The following ZMYM2 variants were observed in gnomAD, a reference collection of about 807,000 sequenced individuals.
ZMYM2 encodes zinc finger MYM-type containing 2.
A neutral mutation model predicts 162.8 loss-of-function variants in ZMYM2; 56 were observed. The observed-to-expected ratio is 0.34, with a 90% CI of 0.28 to 0.43. ZMYM2 has a LOEUF of 0.43. Among genes scored for constraint, ZMYM2 ranks in the 20% least tolerant of loss-of-function variants. The probability of loss-of-function intolerance (pLI) is 1.00; values close to 1 mark genes in which losing one functional copy is unlikely to be tolerated. For synonymous variants in ZMYM2, 510 were observed against 541.6 expected (o/e 0.94, Z 0.81); for missense variants, 1,275 against 1,621.8 (o/e 0.79, Z 3.67).
In ZMYM2 at chr13:20,087,437, T is replaced by A; in HGVS notation, c.*1423T>A. 5.3e-6 allele frequency: 1 copy of A among 189,088 alleles called. No individual in the cohort carries two copies. The highest frequency in any genetic ancestry group is 8.4e-5 in the East Asian group (1 of 11,870). The allele number at this position is 189,088 out of a possible 1,614,324, so 11.7% of individuals were successfully genotyped here. ...TTTCTAGCATGTGTGTAATCATGTTTTCTTCTGATTCCTGAATGACCATGG... is the reference window on the plus strand; with the variant it reads ...TTTCTAGCATGTGTGTAATCATGTTATCTTCTGATTCCTGAATGACCATGG... On this transcript the variant is annotated 3_prime_UTR_variant, in exon 25 of 25. Transcript: ENST00000610343.
intron 21 of ZMYM2, among the ~76,000 whole-genome samples, chr13:20,077,955 C>G (rs1181845126): frequency 6.6e-6 from 1 of 151,146 alleles, no homozygotes; most frequent in Non-Finnish European, 1.5e-5. Flanking sequence ...ATAGCTGGGA[C>G]TACAGGCGCC....
At chr13:19,885,034 T>C in the ZMYM2 span, among the ~76,000 whole-genome samples, 2 of 152,122 alleles carry the variant, frequency 1.3e-5, no homozygotes, top group Non-Finnish European at 2.9e-5. Context: ...TATAATCCTT[T>C]AGCTAGACAC....
chr13:19,959,740 G>C (rs1344718706), intron 1 of ZMYM2: 1 of 152,246 alleles, frequency 6.6e-6, no homozygotes, highest in African/African-American at 2.4e-5. Context: ...TCCAGATTTT[G>C]CCTTTCACAT....
At position 20,019,959 on chromosome 13, in the gene ZMYM2, A is replaced by AAG. The variant is rs1951932860; in HGVS notation, c.1584+342_1584+343insGA. The AAG allele has an allele frequency of 4.1e-5, 7 of 172,472 alleles. No homozygotes were observed. In the South Asian group the frequency reaches 1.1e-3, roughly 26 times the overall value. The allele number at this position is 172,472 out of a possible 1,614,324, so 10.7% of individuals were successfully genotyped here. On this transcript the variant is annotated intron_variant, in intron 7 of 24. Transcript: ENST00000610343. ...TTGTGCCTACCTGAAAAGTTAAAAA[A>AAG]AAAACCCTTTCTTTCAAAAAAATTT...
chr13:19,961,797 C>T (rs369168443), intron 2 of ZMYM2, among the ~76,000 whole-genome samples: 1 of 152,124 alleles, frequency 6.6e-6, no homozygotes, highest in East Asian at 1.9e-4. Flanking sequence ...TTAAAAACAG[C>T]AACTAGTGAT....
At chr13:19,875,779 C>T in the ZMYM2 span, among the ~76,000 whole-genome samples, 2 of 151,652 alleles carry the variant, frequency 1.3e-5, no homozygotes, top group Admixed American at 1.3e-4. Context: ...ATTGAGTACA[C>T]ATGGATATAA....
the ZMYM2 span, among the ~76,000 whole-genome samples, chr13:19,874,268 G>A: frequency 2.0e-5 from 3 of 152,002 alleles, no homozygotes; most frequent in African/African-American, 7.2e-5. Context: ...CGCCAAGGCT[G>A]GAGTGCAGTA....
At chr13:19,889,527 C>A in the ZMYM2 span, among the ~76,000 whole-genome samples, 1 of 151,808 alleles carries the variant, frequency 6.6e-6, no homozygotes, top group African/African-American at 2.4e-5. Flanking sequence ...ACCATGTTGG[C>A]CAGGTTGGTC....
intron 2 of ZMYM2, among the ~76,000 whole-genome samples, chr13:19,968,311 C>T (rs187604034): frequency 5.3e-5 from 8 of 151,666 alleles, no homozygotes; most frequent in Non-Finnish European, 8.8e-5. Flanking sequence ...GGTGTGATCT[C>T]GGTCCACTGC....
the ZMYM2 span, among the ~76,000 whole-genome samples, chr13:19,916,326 T>A: frequency 1.3e-5 from 2 of 152,240 alleles, no homozygotes; most frequent in South Asian, 4.1e-4. Context: ...GATCTAGAAC[T>A]AGAAATACCA....
upstream of ZMYM2, among the ~76,000 whole-genome samples, chr13:19,956,864 A>T (rs1044700601): frequency 2.6e-5 from 4 of 152,234 alleles, no homozygotes; most frequent in Non-Finnish European, 5.9e-5. Flanking sequence ...AAATTATTAC[A>T]ATTTGGTAGT....
chr13:19,866,605 G>A, the ZMYM2 span, among the ~76,000 whole-genome samples: 6 of 152,020 alleles, frequency 3.9e-5, no homozygotes, highest in African/African-American at 1.2e-4. Flanking sequence ...GTGGGGTTGC[G>A]GTGAGCCGAG....
chr13:20,031,971 G>GGT (rs1162295963), intron 10 of ZMYM2, among the ~76,000 whole-genome samples: 2 of 149,976 alleles, frequency 1.3e-5, no homozygotes, highest in Non-Finnish European at 1.5e-5. Context: ...CCTCAGTTGA[G>GGT]GTGATTCTCC....
chr13:19,966,558 G>A (rs562727558), intron 2 of ZMYM2, among the ~76,000 whole-genome samples: 76 of 151,070 alleles, frequency 5.0e-4, no homozygotes, highest in African/African-American at 1.6e-3. Context: ...GGTTTCAAGC[G>A]TTTCTCCTGC....
intron 2 of ZMYM2, among the ~76,000 whole-genome samples, chr13:19,971,942 G>A (rs1956371144): frequency 6.6e-6 from 1 of 152,104 alleles, no homozygotes; most frequent in Admixed American, 6.6e-5. Flanking sequence ...AAATTAAGGA[G>A]TTTAGGGGTA....
chr13:20,047,539 T>G (rs956317244), intron 12 of ZMYM2, among the ~76,000 whole-genome samples: 8 of 152,200 alleles, frequency 5.3e-5, no homozygotes, highest in African/African-American at 1.9e-4. Flanking sequence ...TATTTCATGT[T>G]TAGCCATGAA....
rs1457029480 is a variant in ZMYM2, at chr13:19,983,861, CAA to C, written c.-10-9201_-10-9200del. ...CCAGGCTGGTCTCCAACTGCGGGCT[CAA>C]GAGATCTGCCCGCCATGGCCTCCTA... On this transcript the variant is annotated intron_variant, in intron 2 of 24. Coordinates refer to ENST00000610343, the MANE Select transcript of ZMYM2 (RefSeq NM_197968.4). Among the ~76,000 whole-genome samples, 4 of 152,124 alleles carry C rather than the reference CAA, an allele frequency of 2.6e-5. No homozygotes were observed. In the East Asian group the frequency reaches 7.7e-4, roughly 29 times the overall value.
intron 7 of ZMYM2, chr13:20,026,162 T>C (rs1037051637): frequency 6.6e-6 from 1 of 152,628 alleles, no homozygotes; most frequent in South Asian, 2.1e-4. Context: ...CTTGGAACAA[T>C]AGCAGCTCAG....
chr13:19,871,220 G>T, the ZMYM2 span, among the ~76,000 whole-genome samples: 1 of 152,068 alleles, frequency 6.6e-6, no homozygotes, highest in Admixed American at 6.6e-5. Flanking sequence ...ATGATATGCT[G>T]CAAATTATAA....
Sources: allele counts gnomAD v4.1 joint callset (sites outside exome capture counted in the v4.1 genomes callset), GRCh38; gene constraint gnomAD v4.1.1; transcripts MANE v1.5; gene names NCBI Gene and HGNC (gene_info 2026-07-23, HGNC 2026-07-21).